The following CREB5 variants were observed in gnomAD, a reference collection of about 807,000 sequenced individuals.
CREB5 encodes cAMP responsive element binding protein 5.
A neutral mutation model predicts 57.1 loss-of-function variants in CREB5; 19 were observed. That is an observed-to-expected ratio of 0.33 (90% confidence interval 0.23 to 0.49). The LOEUF (loss-of-function observed/expected upper bound fraction) is 0.49. CREB5 is among the 20% of genes least tolerant of loss of function. CREB5 has a pLI of 0.99. For missense variants in CREB5, 579 were observed against 671.6 expected (o/e 0.86, Z 1.52); for synonymous variants, 238 against 238.3 (o/e 1.00, Z 0.01).
intron 5 of CREB5, among the ~76,000 whole-genome samples, chr7:28,674,125 T>G (rs1800205330): frequency 6.6e-6 from 1 of 152,168 alleles, no homozygotes; most frequent in East Asian, 1.9e-4. Flanking sequence ...TTTTTTTAAG[T>G]TCCTTATCTT....
intron 1 of CREB5, among the ~76,000 whole-genome samples, chr7:28,377,728 G>C (rs1052395026): frequency 6.6e-6 from 1 of 151,558 alleles, no homozygotes; most frequent in African/African-American, 2.4e-5. Flanking sequence ...TGCCCTGCCA[G>C]GTATCCTGGC....
At chr7:28,768,127 T>G (rs1381561934) in intron 7 of CREB5, among the ~76,000 whole-genome samples, 1 of 151,980 alleles carries the variant, frequency 6.6e-6, no homozygotes, top group Non-Finnish European at 1.5e-5. Context: ...AGACAGGAGT[T>G]GGGGTGGGGA....
intron 1 of CREB5, among the ~76,000 whole-genome samples, chr7:28,361,159 G>T (rs1037249713): frequency 6.6e-6 from 1 of 152,048 alleles, no homozygotes; most frequent in African/African-American, 2.4e-5. Flanking sequence ...GTAATAATAA[G>T]ATTACTTATT....
chr7:28,708,323 T>C (rs1210588573), intron 5 of CREB5, among the ~76,000 whole-genome samples: 1 of 152,178 alleles, frequency 6.6e-6, no homozygotes, highest in African/African-American at 2.4e-5. Flanking sequence ...AACCACTCCC[T>C]CTGGGCCACC....
intron 2 of CREB5, 122 bp downstream of exon 2, chr7:28,488,368 C>T (rs1225776305): frequency 2.7e-6 from 2 of 730,894 alleles, no homozygotes; most frequent in African/African-American, 3.5e-5. Context: ...CCACCAAAGT[C>T]CCCCTCCCCA....
intron 5 of CREB5, among the ~76,000 whole-genome samples, chr7:28,672,454 A>G (rs1273241301): frequency 6.6e-6 from 1 of 152,156 alleles, no homozygotes; most frequent in Non-Finnish European, 1.5e-5. Flanking sequence ...GCAGAAAAAA[A>G]AAATGCTCTT....
chr7:28,385,598 C>T (rs1358905356), intron 1 of CREB5, among the ~76,000 whole-genome samples: 1 of 151,480 alleles, frequency 6.6e-6, no homozygotes, highest in Non-Finnish European at 1.5e-5. Flanking sequence ...ATCACCTGAG[C>T]CTGGGGAGGT....
chr7:28,387,565 G>C (rs80320095), intron 1 of CREB5, among the ~76,000 whole-genome samples: 1 of 152,078 alleles, frequency 6.6e-6, no homozygotes, highest in Non-Finnish European at 1.5e-5. Flanking sequence ...TTGCTGTGCA[G>C]AAGCTCTTTA....
intron 4 of CREB5, among the ~76,000 whole-genome samples, chr7:28,569,629 C>T (rs962875076): frequency 7.2e-5 from 11 of 152,118 alleles, no homozygotes; most frequent in Non-Finnish European, 1.0e-4. Context: ...CCAAGCACCA[C>T]GGGATAGAGT....
chr7:28,302,630 A>G (rs965521151), intron 1 of CREB5, among the ~76,000 whole-genome samples: 2 of 152,158 alleles, frequency 1.3e-5, no homozygotes, highest in African/African-American at 2.4e-5. Flanking sequence ...TTAGGGTGTG[A>G]TGTGCTGGGG....
chr7:28,566,152 A>G (rs1795467512), intron 4 of CREB5, among the ~76,000 whole-genome samples: 1 of 152,168 alleles, frequency 6.6e-6, no homozygotes, highest in Non-Finnish European at 1.5e-5. Context: ...GCACTCTACA[A>G]TGGAATAATT....
intron 3 of CREB5, 71 bp from the exon 4 acceptor site, chr7:28,507,545 A>G: frequency 6.5e-7 from 1 of 1,537,898 alleles, no homozygotes; most frequent in Non-Finnish European, 8.8e-7. Context: ...GGATTAGTGA[A>G]TCTAGCTCAT....
At chr7:28,331,265 A>G (rs1785710921) in intron 1 of CREB5, among the ~76,000 whole-genome samples, 1 of 152,066 alleles carries the variant, frequency 6.6e-6, no homozygotes. Context: ...TGAAAATTCA[A>G]TACCATAGTT....
chr7:28,345,587 T>C (rs1289050691), intron 1 of CREB5, among the ~76,000 whole-genome samples: 1 of 152,122 alleles, frequency 6.6e-6, no homozygotes, highest in Non-Finnish European at 1.5e-5. Context: ...AGGGAGTGTG[T>C]CCTGTTCATT....
intron 1 of CREB5, among the ~76,000 whole-genome samples, chr7:28,377,213 A>G (rs1023598995): frequency 2.6e-5 from 4 of 152,180 alleles, no homozygotes; most frequent in Non-Finnish European, 5.9e-5. Context: ...ATTGTCCAAT[A>G]TGGTAGCCAC....
At chr7:28,640,197 G>A (rs1175234706) in intron 5 of CREB5, among the ~76,000 whole-genome samples, 1 of 152,180 alleles carries the variant, frequency 6.6e-6, no homozygotes, top group Non-Finnish European at 1.5e-5. Context: ...CAGCCACAGA[G>A]CGTAACTCTC....
At chr7:28,322,292 T>C (rs1020321625) in intron 1 of CREB5, among the ~76,000 whole-genome samples, 1 of 152,162 alleles carries the variant, frequency 6.6e-6, no homozygotes, top group Non-Finnish European at 1.5e-5. Flanking sequence ...TTTCTGTTTA[T>C]TTACCTTAGG....
chr7:28,604,435 G>C (rs1797035581), intron 5 of CREB5, among the ~76,000 whole-genome samples: 1 of 152,048 alleles, frequency 6.6e-6, no homozygotes. Context: ...ATAGTGCTTG[G>C]TGCAAACATT....
intron 5 of CREB5, among the ~76,000 whole-genome samples, chr7:28,637,421 G>A (rs1042581190): frequency 7.9e-5 from 12 of 152,022 alleles, no homozygotes; most frequent in African/African-American, 2.4e-4. Context: ...TAGTGAGAAT[G>A]GCTGATAAAA....
Sources: allele counts gnomAD v4.1 joint callset (sites outside exome capture counted in the v4.1 genomes callset), GRCh38; gene constraint gnomAD v4.1.1; transcripts MANE v1.5; gene names NCBI Gene and HGNC (gene_info 2026-07-23, HGNC 2026-07-21).